The following PML variants were observed in gnomAD, a reference collection of about 807,000 sequenced individuals.
The protein encoded by PML is protein PML.
A neutral mutation model predicts 65.2 loss-of-function variants in PML; 28 were observed. That is an observed-to-expected ratio of 0.43 (90% CI 0.32 to 0.59). The LOEUF (loss-of-function observed/expected upper bound fraction) is 0.59, where lower values mean the gene tolerates loss of function less well. Among genes scored for constraint, PML ranks in the 20% least tolerant of loss-of-function variants. The pLI, the probability that PML is intolerant of heterozygous loss-of-function variation, is 0.08. For missense variants in PML, 1,021 were observed against 1,203.4 expected (o/e 0.85, Z 2.24); for synonymous variants, 500 against 508.8 (o/e 0.98, Z 0.23).
At chr15:74,039,018 G>T (rs1316744165) in intron 7 of PML, among the ~76,000 whole-genome samples, 1 of 152,206 alleles carries the variant, frequency 6.6e-6, no homozygotes, top group Non-Finnish European at 1.5e-5. Context: ...CCTGCTTTAG[G>T]ATCCAAAGTG....
At chr15:74,017,301 C>T (rs2070637932) in intron 2 of PML, among the ~76,000 whole-genome samples, 1 of 152,174 alleles carries the variant, frequency 6.6e-6, no homozygotes, top group Non-Finnish European at 1.5e-5. Context: ...TACCCTCCTC[C>T]CTAGCCAATT....
At chr15:74,038,648 T>C (rs1184748697) in intron 7 of PML, among the ~76,000 whole-genome samples, 1 of 152,036 alleles carries the variant, frequency 6.6e-6, no homozygotes, top group East Asian at 1.9e-4. Context: ...TGCAAATTCC[T>C]ACTCCCCAGC....
At chr15:74,033,564 C>G in intron 6 of PML, 150 bp downstream of exon 6, 1 of 862,654 alleles carries the variant, frequency 1.2e-6, no homozygotes. Context: ...TCACAGTGTG[C>G]GTGGGGGTGA....
chr15:74,036,299 T>C, intron 7 of PML: 2 of 1,452,360 alleles, frequency 1.4e-6, no homozygotes, highest in Non-Finnish European at 1.8e-6. Context: ...GCCTCTCCAC[T>C]AGGCCTCTGC....
intron 4 of PML, chr15:74,025,970 G>A (rs80150002): frequency 0.043 from 6,566 of 152,448 alleles, 229 homozygotes; most frequent in East Asian, 0.19. Context: ...AGAGAGTGCT[G>A]TAGGTTGAGG....
chr15:74,024,744 A>G, intron 3 of PML, 113 bp from the exon 4 acceptor site: 2 of 811,580 alleles, frequency 2.5e-6, no homozygotes, highest in Non-Finnish European at 4.3e-6. Context: ...ATGCCCTGGA[A>G]AATAGGTATC....
chr15:74,025,171 G>T, intron 4 of PML: 2 of 541,458 alleles, frequency 3.7e-6, no homozygotes, highest in East Asian at 3.2e-5. Flanking sequence ...GCCAGGTTCA[G>T]TGGGGGTTAG....
In PML at chr15:74,046,304, C is replaced by T. The variant is rs1567142659; in HGVS notation, c.*1296C>T. The T allele has an allele frequency of 4.3e-6, 1 of 233,186 alleles. No homozygotes were observed. 14.4% of individuals were successfully genotyped at this position (233,186 alleles called of 1,614,324 possible). A position where few individuals can be genotyped will look rare whatever the true frequency, so the allele number is the denominator to read the frequency against. On this transcript the variant is annotated 3_prime_UTR_variant, in exon 9 of 9. Transcript: ENST00000268058. ...AACAGAGGCAGGTCAGGGTTGTCCG[C>T]TCTGATTAGCAGAACGACAGCCCCT...
intron 7 of PML, among the ~76,000 whole-genome samples, chr15:74,040,305 C>A (rs973230202): frequency 4.6e-5 from 7 of 152,180 alleles, no homozygotes; most frequent in Non-Finnish European, 8.8e-5. Context: ...GCAAAGCTTT[C>A]CCCCTTGATT....
intron 6 of PML, chr15:74,033,687 C>G: frequency 1.6e-6 from 1 of 633,344 alleles, no homozygotes. Flanking sequence ...TGCCTTTGCA[C>G]AGGGCAGGTC....
chr15:74,024,518 G>C (rs915724442), intron 3 of PML, among the ~76,000 whole-genome samples: 1 of 152,256 alleles, frequency 6.6e-6, no homozygotes, highest in Admixed American at 6.5e-5. Context: ...CTCACTATAT[G>C]TAGAGAGTCA....
intron 5 of PML, 116 bp from the exon 6 acceptor site, chr15:74,033,040 G>T: frequency 9.1e-7 from 1 of 1,095,814 alleles, no homozygotes. Flanking sequence ...GTTGAGAGCA[G>T]AGGAGAGGGG....
intron 4 of PML, among the ~76,000 whole-genome samples, chr15:74,029,277 ATATCT>A (rs1408616770): frequency 1.6e-4 from 25 of 152,170 alleles, no homozygotes; most frequent in Middle Eastern, 3.4e-3. Context: ...AATATATATT[ATATCT>A]TAACTTATAG....
At chr15:74,002,614 T>G (rs1486680080) in intron 2 of PML, among the ~76,000 whole-genome samples, 1 of 149,628 alleles carries the variant, frequency 6.7e-6, no homozygotes, top group African/African-American at 2.4e-5. Flanking sequence ...CGGCTAAGTT[T>G]TTTTTTTTTT....
intron 2 of PML, among the ~76,000 whole-genome samples, chr15:74,000,196 C>T (rs539306581): frequency 2.6e-5 from 4 of 152,294 alleles, no homozygotes; most frequent in African/African-American, 2.4e-5. Context: ...AGCCATCCCA[C>T]GGGATCCATG....
chr15:74,002,177 A>G lies in PML; in HGVS notation c.602+3701A>G, dbSNP rs568437523. On this transcript the variant is annotated intron_variant, in intron 2 of 8. Coordinates refer to ENST00000268058, the MANE Select transcript of PML (RefSeq NM_033238.3). ...ACTATGGCCAGTTTATACAGTTTGT[A>G]TGAGTTCTACATCTAAGACTATATT... is the stretch of plus-strand genomic sequence containing the variant. 3.9e-5 allele frequency among the ~76,000 whole-genome samples: 6 copies of G among 152,252 alleles called. No homozygotes were observed. In the South Asian group the frequency reaches 6.2e-4, roughly 16 times the overall value.
intron 7 of PML, 26 bp downstream of exon 7, chr15:74,034,556 G>C: frequency 6.2e-7 from 1 of 1,614,162 alleles, no homozygotes; most frequent in Non-Finnish European, 8.5e-7. Flanking sequence ...GTTCAGCCCA[G>C]GACTCCTGCC....
rs1003172905 is a variant in PML, at chr15:74,019,863, A to G, written c.603-2965A>G. Among the ~76,000 whole-genome samples, 5 of 152,244 alleles carry G rather than the reference A, an allele frequency of 3.3e-5. No homozygotes were observed. In the South Asian group the frequency reaches 8.3e-4, roughly 25 times the overall value. Reference sequence around the variant, plus strand: ...TATCAGTATATAAAGAGCTTCCTCAATGGCTTACAGCTACATAGTATTCCG... The same window carrying G: ...TATCAGTATATAAAGAGCTTCCTCAGTGGCTTACAGCTACATAGTATTCCG... On this transcript the variant is annotated intron_variant, in intron 2 of 8. Coordinates refer to ENST00000268058, the MANE Select transcript of PML (RefSeq NM_033238.3).
intron 2 of PML, among the ~76,000 whole-genome samples, chr15:74,003,599 AT>A (rs2069888998): frequency 6.6e-6 from 1 of 152,176 alleles, no homozygotes; most frequent in African/African-American, 2.4e-5. Context: ...TCACTTTCAG[AT>A]TTAGTTGAAA....
Sources: gnomAD v4.1 joint callset for allele counts (sites outside exome capture counted in the v4.1 genomes callset) on GRCh38, gnomAD v4.1.1 for gene constraint, MANE v1.5 for transcripts, NCBI Gene and HGNC (gene_info 2026-07-23, HGNC 2026-07-21) for gene names.